The following DPYSL5 variants were observed in gnomAD, a reference collection of about 807,000 sequenced individuals.
DPYSL5 encodes dihydropyrimidinase like 5.
A neutral mutation model predicts 58.4 loss-of-function variants in DPYSL5; 9 were observed. The ratio of observed to expected loss-of-function variants is 0.15; its 90% CI spans 0.09 to 0.27. The LOEUF (loss-of-function observed/expected upper bound fraction) is 0.27. Ranked by LOEUF, DPYSL5 falls within the 10% of genes least tolerant of loss-of-function variation. The pLI, the probability that DPYSL5 is intolerant of heterozygous loss-of-function variation, is 1.00. For synonymous variants in DPYSL5, 293 were observed against 301.9 expected (o/e 0.97, Z 0.31); for missense variants, 499 against 770.6 (o/e 0.65, Z 4.17).
chr2:26,866,933 C>T (rs1284912766), intron 1 of DPYSL5, among the ~76,000 whole-genome samples: 1 of 151,920 alleles, frequency 6.6e-6, no homozygotes, highest in Admixed American at 6.6e-5. Flanking sequence ...GGGGTTTCAC[C>T]ATGTTGGCCA....
At chr2:26,853,446 A>G (rs2148102543) in intron 1 of DPYSL5, among the ~76,000 whole-genome samples, 1 of 152,300 alleles carries the variant, frequency 6.6e-6, no homozygotes, top group South Asian at 2.1e-4. Flanking sequence ...GCATTAGGTT[A>G]CTGTTATTAT....
chr2:26,866,469 AACACACACAC>A (rs57210677), intron 1 of DPYSL5, among the ~76,000 whole-genome samples: 1 of 148,554 alleles, frequency 6.7e-6, no homozygotes. Flanking sequence ...TCATTATGCA[AACACACACAC>A]ACACACACAC....
chr2:26,856,964 CAAGA>C (rs1430128867), intron 1 of DPYSL5, among the ~76,000 whole-genome samples: 1 of 143,652 alleles, frequency 7.0e-6, no homozygotes, highest in Non-Finnish European at 1.5e-5. Flanking sequence ...TACTAGTTTT[CAAGA>C]ATTGTCCACA....
At chr2:26,946,523 T>C (rs1017659083) in intron 12 of DPYSL5, among the ~76,000 whole-genome samples, 1 of 152,100 alleles carries the variant, frequency 6.6e-6, no homozygotes, top group African/African-American at 2.4e-5. Context: ...TCCGAAACAA[T>C]GGCATACCCT....
In DPYSL5 at chr2:26,944,788, A is replaced by G. The variant is rs1356094327; in HGVS notation, c.1573A>G (p.Met525Val). The change falls in exon 12 of 13, where the codon ATG becomes GTG. Residue 525 changes from methionine to valine, a missense_variant. By Grantham distance (21) the Met-to-Val change is conservative (BLOSUM62 1). Coordinates refer to ENST00000288699, the MANE Select transcript of DPYSL5 (RefSeq NM_020134.4). The surrounding 1 kb of genome is among the most constrained non-coding windows in gnomAD (Gnocchi z 4.4). ...PTRPVTRHGG[M>V]RDLHESSFSL... Reference sequence around the variant, plus strand: ...CCGGCCCGTCACCCGGCATGGGGGCATGAGGGACCTTCACGAATCCAGCTT... The same window carrying G: ...CCGGCCCGTCACCCGGCATGGGGGCGTGAGGGACCTTCACGAATCCAGCTT... 1.2e-6 allele frequency: 2 copies of G among 1,614,188 alleles called. No homozygotes were observed. The highest frequency in any genetic ancestry group is 2.2e-5 in the East Asian group (1 of 44,888).
chr2:26,913,102 AC>A (rs1471975673), intron 2 of DPYSL5, among the ~76,000 whole-genome samples: 2 of 152,224 alleles, frequency 1.3e-5, no homozygotes, highest in Admixed American at 6.5e-5. Context: ...CATAAAATTT[AC>A]CGTTTTGACT....
rs537560913 is a variant in DPYSL5 at position 26,866,618 on chromosome 2, T to G, written c.-5+18364T>G. On this transcript the variant is annotated intron_variant, in intron 1 of 12. Transcript: ENST00000288699. Reference sequence around the variant, plus strand: ...GTGATGGATATCCCAATTACCCTGATTTGATCATTACACATTATATACATA... The same window carrying G: ...GTGATGGATATCCCAATTACCCTGAGTTGATCATTACACATTATATACATA... Among the ~76,000 whole-genome samples, 11 of 152,306 alleles carry G rather than the reference T, an allele frequency of 7.2e-5. 1 individual carries two copies. Among genetic ancestry groups the G allele is most frequent in the African/African-American group, 2.6e-4 (11 of 41,558 alleles).
Position 26,942,663 on chromosome 2 carries a change from CTTCA to C in DPYSL5, c.1355_1358del (p.Phe452CysfsTer12), listed in dbSNP as rs1665355050. The C allele has an allele frequency of 6.2e-7, 1 of 1,613,908 alleles. No individual in the cohort carries two copies. Among genetic ancestry groups the C allele is most frequent in the Non-Finnish European group, 8.5e-7 (1 of 1,180,012 alleles). ...GGCGCGTCGTGTATGAGAACGGCGT[CTTCA>C]TGTGCGCCGAGGGCACCGGCAAGTT... On this transcript the variant is annotated frameshift_variant, in exon 11 of 13. Coordinates refer to ENST00000288699, the MANE Select transcript of DPYSL5 (RefSeq NM_020134.4). LOFTEE classifies it high-confidence loss of function. The surrounding 1 kb of genome is among the most constrained non-coding windows in gnomAD (Gnocchi z 5.9).
intron 1 of DPYSL5, among the ~76,000 whole-genome samples, chr2:26,863,306 C>G (rs1022216169): frequency 6.6e-6 from 1 of 152,200 alleles, no homozygotes; most frequent in African/African-American, 2.4e-5. Flanking sequence ...TTTAAGCTGG[C>G]TCAGTTTCAG....
intron 6 of DPYSL5, among the ~76,000 whole-genome samples, chr2:26,932,083 AAAGAAAAAAG>A (rs1665013902): frequency 3.9e-5 from 2 of 50,770 alleles, no homozygotes; most frequent in Non-Finnish European, 8.6e-5. Context: ...GAAAGAAAGA[AAAGAAAAAAG>A]AAAGAGAAAG....
intron 1 of DPYSL5, among the ~76,000 whole-genome samples, chr2:26,897,501 G>T (rs1664049391): frequency 6.6e-6 from 1 of 152,074 alleles, no homozygotes; most frequent in Non-Finnish European, 1.5e-5. Context: ...TGCATTTTTT[G>T]AATAAACCCC....
At chr2:26,909,396 CT>C (rs1354179699) in intron 2 of DPYSL5, among the ~76,000 whole-genome samples, 1 of 152,116 alleles carries the variant, frequency 6.6e-6, no homozygotes, top group African/African-American at 2.4e-5. Context: ...AATACTACCC[CT>C]AATTCATAAA....
In DPYSL5 at chr2:26,877,711, G is replaced by A. The variant is rs1227524457; in HGVS notation, c.-4-20785G>A. On this transcript the variant is annotated intron_variant, in intron 1 of 12. Coordinates refer to ENST00000288699, the MANE Select transcript of DPYSL5 (RefSeq NM_020134.4). This position sits in a 1 kb window ranked among gnomAD's most constrained non-coding sequence, Gnocchi z 4.1. ...GATTGAGTTCCACTGTAATTCTCCTGTGGGAAAACTGCAGTTAATAGTTTC... is the reference window on the plus strand; with the variant it reads ...GATTGAGTTCCACTGTAATTCTCCTATGGGAAAACTGCAGTTAATAGTTTC... 6.6e-6 allele frequency among the ~76,000 whole-genome samples: 1 copy of A among 152,162 alleles called. No individual in the cohort carries two copies. The highest frequency in any genetic ancestry group is 1.5e-5 in the Non-Finnish European group (1 of 68,032).
chr2:26,904,023 T>C lies in DPYSL5; in HGVS notation c.261+5263T>C, dbSNP rs551577537. On this transcript the variant is annotated intron_variant, in intron 2 of 12. Coordinates refer to ENST00000288699, the MANE Select transcript of DPYSL5 (RefSeq NM_020134.4). ...GCTTCCCACCAACTCAAAATTAGCA[T>C]TGGGGTATCTTACAGTCAACCTGTG... is the stretch of plus-strand genomic sequence containing the variant. Among the ~76,000 whole-genome samples the C allele has an allele frequency of 4.6e-5, 7 of 152,304 alleles. No homozygotes were observed. The South Asian group carries it at 6.2e-4, about 14-fold the overall frequency.
rs1252246453 is a variant in DPYSL5, at chr2:26,877,433, A to G, written c.-4-21063A>G. On this transcript the variant is annotated intron_variant, in intron 1 of 12. Coordinates refer to ENST00000288699, the MANE Select transcript of DPYSL5 (RefSeq NM_020134.4). The surrounding 1 kb of genome is among the most constrained non-coding windows in gnomAD (Gnocchi z 4.1). ...TAACTCATGGATGCAGGGGACGCAC[A>G]TTGTCTGCATTCCTGTTTTCTGTGC... Among the ~76,000 whole-genome samples the G allele has an allele frequency of 2.6e-5, 4 of 152,120 alleles. No homozygotes were observed. Among genetic ancestry groups the G allele is most frequent in the African/African-American group, 9.7e-5 (4 of 41,420 alleles).
intron 1 of DPYSL5, among the ~76,000 whole-genome samples, chr2:26,864,368 C>A (rs902547770): frequency 1.3e-5 from 2 of 152,268 alleles, no homozygotes; most frequent in Admixed American, 1.3e-4. Flanking sequence ...TATGCCTCAA[C>A]AATGCTGACA....
intron 1 of DPYSL5, among the ~76,000 whole-genome samples, chr2:26,897,197 C>T (rs1335837968): frequency 2.0e-5 from 3 of 152,174 alleles, no homozygotes; most frequent in Non-Finnish European, 2.9e-5. Flanking sequence ...GCTAGAATAA[C>T]CTACGTTGCC....
chr2:26,940,415 A>T (rs1373251633), intron 9 of DPYSL5, among the ~76,000 whole-genome samples: 1 of 151,176 alleles, frequency 6.6e-6, no homozygotes, highest in Non-Finnish European at 1.5e-5. Context: ...TAAGAAAAAA[A>T]GAAACCTTAA....
Position 26,934,558 on chromosome 2 carries a change from T to A in DPYSL5, c.791-20T>A, listed in dbSNP as rs1470573084. ...GGTTCGGTGGCTTCCTGGTTATGGT[T>A]CTGACCTTTCTTCTTCCAGGGAAGG... On this transcript the variant is annotated intron_variant, in intron 7 of 12. Coordinates refer to ENST00000288699, the MANE Select transcript of DPYSL5 (RefSeq NM_020134.4). This position sits in a 1 kb window ranked among gnomAD's most constrained non-coding sequence, Gnocchi z 4.3. 1.4e-5 allele frequency: 23 copies of A among 1,610,134 alleles called. No homozygotes were observed. The highest frequency in any genetic ancestry group is 2.0e-5 in the Non-Finnish European group (23 of 1,178,892).
Sources: gnomAD v4.1 joint callset for allele counts (sites outside exome capture counted in the v4.1 genomes callset) on GRCh38, gnomAD v4.1.1 for gene constraint, Gnocchi (gnomAD v3.1) non-coding constraint, MANE v1.5 for transcripts, NCBI Gene and HGNC (gene_info 2026-07-23, HGNC 2026-07-21) for gene names.